SLC4A8: variants seen among roughly 807,000 people sequenced by gnomAD.
The protein encoded by SLC4A8 is solute carrier family 4 member 8.
A neutral mutation model predicts 125.0 loss-of-function variants in SLC4A8; 40 were observed. The ratio of observed to expected loss-of-function variants is 0.32; its 90% confidence interval spans 0.25 to 0.42. SLC4A8 has a LOEUF of 0.42. Among genes scored for constraint, SLC4A8 ranks in the 10% least tolerant of loss-of-function variants. SLC4A8 has a pLI of 1.00. For missense variants in SLC4A8, 863 were observed against 1,355.1 expected (o/e 0.64, Z 5.70); for synonymous variants, 456 against 476.0 (o/e 0.96, Z 0.55).
intron 22 of SLC4A8, among the ~76,000 whole-genome samples, chr12:51,499,658 C>CAA: frequency 6.7e-6 from 1 of 148,412 alleles, no homozygotes; most frequent in African/African-American, 2.6e-5. Context: ...CACACACACA[C>CAA]GTATATAATT....
intron 12 of SLC4A8, 145 bp downstream of exon 12, chr12:51,469,933 A>C (rs1227574150): frequency 5.9e-6 from 4 of 681,018 alleles, no homozygotes; most frequent in Non-Finnish European, 1.0e-5. Flanking sequence ...TTCTGACATC[A>C]CACCAAAGAG....
At chr12:51,417,268 C>T (rs919343059) in intron 1 of SLC4A8, among the ~76,000 whole-genome samples, 3 of 152,150 alleles carry the variant, frequency 2.0e-5, no homozygotes, top group Non-Finnish European at 4.4e-5. Context: ...CTCGACCTCC[C>T]TTGCTCAAGT....
chr12:51,451,690 A>G (rs1351977983), intron 3 of SLC4A8, among the ~76,000 whole-genome samples: 1 of 151,962 alleles, frequency 6.6e-6, no homozygotes, highest in Non-Finnish European at 1.5e-5. Context: ...ATGAGTTTGT[A>G]CCTATTTTCA....
In SLC4A8 at chr12:51,417,647, G is replaced by A. The variant is rs1309989832; in HGVS notation, c.-111-23061G>A. Among the ~76,000 whole-genome samples, 3 of 151,282 alleles carry A rather than the reference G, an allele frequency of 2.0e-5. No individual in the cohort carries two copies. In the East Asian group the frequency reaches 5.8e-4, roughly 29 times the overall value. On this transcript the variant is annotated intron_variant, in intron 1 of 24. Coordinates refer to the SLC4A8 transcript ENST00000358657. ...ATTCTCCTGCCTCAGCCTCCCGAGT[G>A]GCTGGGACTACAGGCATGCGCCACC...
chr12:51,454,019 G>T (rs1010907550), intron 5 of SLC4A8, among the ~76,000 whole-genome samples: 1 of 152,096 alleles, frequency 6.6e-6, no homozygotes, highest in African/African-American at 2.4e-5. Context: ...AAGTTCCCTC[G>T]GGTGCAGTGG....
At chr12:51,405,541 T>C (rs1948469095) in intron 1 of SLC4A8, among the ~76,000 whole-genome samples, 1 of 152,196 alleles carries the variant, frequency 6.6e-6, no homozygotes, top group Non-Finnish European at 1.5e-5. Flanking sequence ...CCCTTTATGT[T>C]CATCTATGGC....
intron 10 of SLC4A8, 40 bp from the exon 11 acceptor site, chr12:51,463,574 A>G: frequency 1.4e-6 from 2 of 1,471,304 alleles, no homozygotes; most frequent in Non-Finnish European, 1.9e-6. Context: ...ACGAAAAGAT[A>G]GATGTTACCT....
At chr12:51,505,432 G>A (rs1162100816) in intron 23 of SLC4A8, among the ~76,000 whole-genome samples, 1 of 152,234 alleles carries the variant, frequency 6.6e-6, no homozygotes, top group African/African-American at 2.4e-5. Flanking sequence ...GAATAGAAGA[G>A]ATTTGGCTGT....
chr12:51,420,686 G>A (rs986935292), upstream of SLC4A8, among the ~76,000 whole-genome samples: 1 of 152,118 alleles, frequency 6.6e-6, no homozygotes, highest in Non-Finnish European at 1.5e-5. Context: ...AGAAAGAATA[G>A]GTCTAAAACA....
At chr12:51,495,501 G>A (rs1951439586) in intron 21 of SLC4A8, among the ~76,000 whole-genome samples, 1 of 101,280 alleles carries the variant, frequency 9.9e-6, no homozygotes. Context: ...TTGAGATGGA[G>A]TTTCACTCTT....
chr12:51,487,958 A>T (rs1951204650), intron 17 of SLC4A8, among the ~76,000 whole-genome samples: 1 of 152,228 alleles, frequency 6.6e-6, no homozygotes, highest in Admixed American at 6.5e-5. Context: ...TTGTCTTTAG[A>T]AGTCATTAAA....
At chr12:51,472,480 G>C (rs552465260) in intron 14 of SLC4A8, among the ~76,000 whole-genome samples, 13 of 152,184 alleles carry the variant, frequency 8.5e-5, no homozygotes, top group Non-Finnish European at 1.6e-4. Flanking sequence ...TGATTAGGGA[G>C]TATCATCTTC....
intron 22 of SLC4A8, among the ~76,000 whole-genome samples, chr12:51,498,397 C>G (rs1937666016): frequency 6.6e-6 from 1 of 151,738 alleles, no homozygotes. Context: ...TTCATTCTCA[C>G]TAATAATCAA....
chr12:51,499,980 A>T (rs1937778516), intron 22 of SLC4A8, among the ~76,000 whole-genome samples: 1 of 152,162 alleles, frequency 6.6e-6, no homozygotes, highest in Admixed American at 6.6e-5. Context: ...GGCTTATGCT[A>T]AGGTAGAGGT....
At chr12:51,496,919 G>A in intron 21 of SLC4A8, 68 bp from the exon 22 acceptor site, 1 of 1,513,208 alleles carries the variant, frequency 6.6e-7, no homozygotes, top group Non-Finnish European at 9.1e-7. Context: ...TGAAAATAAG[G>A]CTTTGCTTTT....
chr12:51,451,331 G>A (rs1381124143), intron 3 of SLC4A8, among the ~76,000 whole-genome samples: 7 of 152,126 alleles, frequency 4.6e-5, no homozygotes, highest in Non-Finnish European at 8.8e-5. Context: ...ATCCGGTCTC[G>A]ATATCCTGAC....
rs538867617 is a variant in SLC4A8, at chr12:51,508,400, C to T, written c.*962C>T. ...AGGAGGATATGATGTTTTTATTGGC[C>T]ATTTTGCGGGACTCTTCGACTTCTT... is the stretch of plus-strand genomic sequence containing the variant. On this transcript the variant is annotated 3_prime_UTR_variant, in exon 25 of 25. Coordinates refer to ENST00000453097, the MANE Select transcript of SLC4A8 (RefSeq NM_001039960.3). 6.6e-6 allele frequency: 1 copy of T among 152,376 alleles called. No individual in the cohort carries two copies. The highest frequency in any genetic ancestry group is 2.1e-4 in the South Asian group (1 of 4,782). 9.4% of individuals were successfully genotyped at this position (152,376 alleles called of 1,614,324 possible). A position where few individuals can be genotyped will look rare whatever the true frequency, so the allele number is the denominator to read the frequency against.
chr12:51,497,157 G>T, intron 22 of SLC4A8, 33 bp downstream of exon 22: 1 of 1,584,406 alleles, frequency 6.3e-7, no homozygotes. Flanking sequence ...TATACCTGGG[G>T]GCCTCAAATT....
At chr12:51,406,651 CGTT>C (rs1234417548) in intron 1 of SLC4A8, among the ~76,000 whole-genome samples, 2 of 152,178 alleles carry the variant, frequency 1.3e-5, no homozygotes, top group East Asian at 3.8e-4. Context: ...ATTTGTGTGA[CGTT>C]GGTGGCCCCC....
Sources: gnomAD v4.1 joint callset for allele counts (sites outside exome capture counted in the v4.1 genomes callset) on GRCh38, gnomAD v4.1.1 for gene constraint, MANE v1.5 for transcripts, NCBI Gene and HGNC (gene_info 2026-07-23, HGNC 2026-07-21) for gene names.